Variants in PYGM observed in about 807,000 individuals in gnomAD.
PYGM encodes the protein glycogen phosphorylase, muscle associated, also known as glycogen phosphorylase, muscle form.
PYGM carries 81 observed loss-of-function variants against 99.3 expected under a neutral mutation model. The observed-to-expected ratio is 0.82, with a 90% CI of 0.68 to 0.98. The LOEUF (loss-of-function observed/expected upper bound fraction) is 0.98. PYGM is among the 50% of genes least tolerant of loss of function. PYGM has a pLI of 0.00. For synonymous variants in PYGM, 436 were observed against 451.5 expected (o/e 0.97, Z 0.44); for missense variants, 1,030 against 1,158.1 (o/e 0.89, Z 1.61).
At chr11:64,760,444 G>C (rs1341611483), upstream of PYGM, 2 of 169,872 alleles carry the variant, frequency 1.2e-5, no homozygotes, top group Admixed American at 5.5e-5. Context: ...GCATTGCAGG[G>C]GTGGTGTGAG....
Position 64,755,443 on chromosome 11 carries a change from TCA to T in PYGM, c.772+2_772+3del. 2 of 1,613,836 alleles carry T rather than the reference TCA, an allele frequency of 1.2e-6. No individual in the cohort carries two copies. The highest frequency in any genetic ancestry group is 8.5e-7 in the Non-Finnish European group (1 of 1,179,730). On this transcript the variant is annotated splice_donor_variant and splice_donor_region_variant and intron_variant, in intron 6 of 19. Transcript: ENST00000164139. LOFTEE classifies it high-confidence loss of function. This position sits in a 1 kb window ranked among gnomAD's most constrained non-coding sequence, Gnocchi z 4.1. ...GGTTGCTGGCTACCAGTGGATGAAC[TCA>T]CAGTCCTTGAGGTTGAAGTCATTGG...
At chr11:64,752,581 T>C (rs1307626855) in intron 12 of PYGM, 77 bp from the exon 13 acceptor site, 2 of 1,425,948 alleles carry the variant, frequency 1.4e-6, no homozygotes, top group East Asian at 2.4e-5. Context: ...CATTTCCAGG[T>C]CAGCCAAGCC....
chr11:64,760,300 G>A (rs1051145165), upstream of PYGM: 2 of 237,948 alleles, frequency 8.4e-6, no homozygotes, highest in Admixed American at 4.9e-5. Flanking sequence ...CAGGATGGGA[G>A]GCCATGTGTT....
At position 64,751,965 on chromosome 11, in the gene PYGM, C is replaced by T. The variant is rs759218298; in HGVS notation, c.1727G>A (p.Arg576Gln). ...GACATGGAGGCAGTTGAGGAGCTGT[C>T]GTTTATATTCGTGAATCCGCTTCAC... ...IQVKRIHEYK[R>Q]QLLNCLHVIT... is the part of the protein sequence containing the mutation. Residue 576 changes from arginine to glutamine, a missense_variant, in exon 14 of 20, where the codon CGA (arginine) becomes CAA (glutamine). Arg to Gln is a conservative substitution (Grantham distance 43). Transcript: ENST00000164139. 18 of 1,614,008 alleles carry T rather than the reference C, an allele frequency of 1.1e-5. No individual in the cohort carries two copies. The highest frequency in any genetic ancestry group is 1.4e-5 in the Non-Finnish European group (16 of 1,180,038).
At chr11:64,752,941 G>T in intron 12 of PYGM, 132 bp downstream of exon 12, 1 of 899,540 alleles carries the variant, frequency 1.1e-6, no homozygotes. Flanking sequence ...GCGAGGCTTG[G>T]GGAACACAGT....
At position 64,754,948 on chromosome 11, in the gene PYGM, C is replaced by A; in HGVS notation, c.856-112G>T. On this transcript the variant is annotated intron_variant, in intron 7 of 19. Transcript: ENST00000164139. This position sits in a 1 kb window ranked among gnomAD's most constrained non-coding sequence, Gnocchi z 5.5. The stretch of plus-strand genomic sequence containing the variant: ...CATACCGGGACCCCTGAGCCCTGAG[C>A]CGGCCCCCTCTCTGGGACCCAGGGG... 6.9e-7 allele frequency: 1 copy of A among 1,448,536 alleles called. No individual in the cohort carries two copies. The allele number at this position is 1,448,536 out of a possible 1,614,324, so 89.7% of individuals were successfully genotyped here.
At chr11:64,753,747 A>G (rs1321473784) in intron 10 of PYGM, 65 bp from the exon 11 acceptor site, 2 of 1,153,252 alleles carry the variant, frequency 1.7e-6, no homozygotes, top group Non-Finnish European at 2.3e-6. Context: ...CCCCAGCCCC[A>G]CACCCCCAGA....
intron 11 of PYGM, 98 bp from the exon 12 acceptor site, chr11:64,753,285 G>A: frequency 1.5e-6 from 2 of 1,298,934 alleles, no homozygotes; most frequent in Non-Finnish European, 1.1e-6. Flanking sequence ...AAAGGGGCCT[G>A]GGGCAGGGAA....
intron 11 of PYGM, 79 bp downstream of exon 11, chr11:64,753,440 A>AC (rs1447195827): frequency 1.3e-6 from 2 of 1,496,112 alleles, no homozygotes; most frequent in African/African-American, 2.8e-5. Flanking sequence ...GTGGTCGGTG[A>AC]AGGGCGGGGC....
Position 64,754,067 on chromosome 11 carries a change from A to G in PYGM, c.1093-42T>C. ...GCAGTCAGGATGCTGACCTCAGCCCAGTGGGTCTCCTCACACACTACGCAT... is the reference window on the plus strand; with the variant it reads ...GCAGTCAGGATGCTGACCTCAGCCCGGTGGGTCTCCTCACACACTACGCAT... On this transcript the variant is annotated intron_variant, in intron 9 of 19. Coordinates refer to ENST00000164139, the MANE Select transcript of PYGM (RefSeq NM_005609.4). This position sits in a 1 kb window ranked among gnomAD's most constrained non-coding sequence, Gnocchi z 5.5. 6.3e-7 allele frequency: 1 copy of G among 1,597,340 alleles called. No individual in the cohort carries two copies. Among genetic ancestry groups the G allele is most frequent in the Non-Finnish European group, 8.5e-7 (1 of 1,172,096 alleles).
At position 64,753,575 on chromosome 11, in the gene PYGM, C is replaced by A. The variant is rs141152121; in HGVS notation, c.1347G>T (p.Gly449=). 19 of 1,605,068 alleles carry A rather than the reference C, an allele frequency of 1.2e-5. No individual in the cohort carries two copies. The African/African-American group carries it at 2.0e-4, about 17-fold the overall frequency. Residue 449 remains glycine (G), a synonymous_variant, in exon 11 of 20, where the codon GGG becomes GGT. Coordinates refer to ENST00000164139, the MANE Select transcript of PYGM (RefSeq NM_005609.4). The part of the protein sequence containing the change: ...RINMAHLCIA[G]SHAVNGVARI... ...GCGCCACGCCGTTGACGGCGTGCGA[C>A]CCCGCGATGCACAGGTGTGCCATGT...
chr11:64,751,903 G>A, intron 14 of PYGM, 21 bp downstream of exon 14: 1 of 1,614,012 alleles, frequency 6.2e-7, no homozygotes, highest in African/African-American at 1.3e-5. Flanking sequence ...TGAGAGACAG[G>A]GTAGAGTGGC....
chr11:64,752,336 C>A (rs1329920065), intron 13 of PYGM, 67 bp downstream of exon 13: 144 of 1,562,432 alleles, frequency 9.2e-5, no homozygotes, highest in Non-Finnish European at 1.2e-4. Flanking sequence ...CCACGCCTGA[C>A]CCAGACATCT....
rs1355010818 is a variant in PYGM at position 64,754,118 on chromosome 11, C to T, written c.1093-93G>A. ...CCCAGTGGGCCCCCCCACTGCAGTG[C>T]CAGGTTCCAGGACGGTCCCTCTGGC... On this transcript the variant is annotated intron_variant, in intron 9 of 19. Transcript: ENST00000164139. This position sits in a 1 kb window ranked among gnomAD's most constrained non-coding sequence, Gnocchi z 5.5. 2 of 1,599,564 alleles carry T rather than the reference C, an allele frequency of 1.3e-6. No individual in the cohort carries two copies. Among genetic ancestry groups the T allele is most frequent in the Non-Finnish European group, 1.7e-6 (2 of 1,168,486 alleles).
chr11:64,758,356 G>C lies in PYGM; in HGVS notation c.425-7C>G. ...ATGGAGTCAAGAAAGCAGGCTGGGG[G>C]TGTGCAGGGAGGTGGCTGTCAGGGA... On this transcript the variant is annotated splice_polypyrimidine_tract_variant and splice_region_variant and intron_variant, in intron 3 of 19. Coordinates refer to ENST00000164139, the MANE Select transcript of PYGM (RefSeq NM_005609.4). 6.2e-7 allele frequency: 1 copy of C among 1,613,428 alleles called. No individual in the cohort carries two copies. Among genetic ancestry groups the C allele is most frequent in the Non-Finnish European group, 8.5e-7 (1 of 1,179,708 alleles).
At position 64,759,838 on chromosome 11, in the gene PYGM, C is replaced by T. The variant is rs145881639; in HGVS notation, c.61G>A (p.Gly21Ser). ...TTCAGCTCAGTCACGTTCTCCACGC[C>T]GGCCAGGCCACGCACACTGATTTGC... The part of the protein sequence containing the change: ...RKQISVRGLA[G>S]VENVTELKKN... The change falls in exon 1 of 20, where the codon GGC becomes AGC. Residue 21 changes from glycine to serine, a missense_variant. Physicochemically the swap from Gly to Ser is moderately conservative, Grantham distance 56. Transcript: ENST00000164139. 1,083 of 1,614,230 alleles carry T rather than the reference C, an allele frequency of 6.7e-4. No individual in the cohort carries two copies. The highest frequency in any genetic ancestry group is 1.2e-3 in the Middle Eastern group (7 of 6,062).
chr11:64,758,821 G>A, intron 1 of PYGM, 117 bp from the exon 2 acceptor site: 9 of 906,696 alleles, frequency 9.9e-6, no homozygotes, highest in Non-Finnish European at 1.6e-5. Flanking sequence ...TCCCATCCCT[G>A]TCCCCAATTT....
At chr11:64,750,960 C>G (rs558981977) in intron 16 of PYGM, among the ~76,000 whole-genome samples, 69 of 152,304 alleles carry the variant, frequency 4.5e-4, no homozygotes, top group African/African-American at 1.6e-3. Context: ...GGCGTGATCT[C>G]GGCTCACTGC....
chr11:64,747,081 A>G, intron 18 of PYGM, 94 bp from the exon 19 acceptor site: 1 of 1,571,538 alleles, frequency 6.4e-7, no homozygotes, highest in East Asian at 2.2e-5. Context: ...CCCAGTGGAC[A>G]GCCGGGGACC....
Sources: gnomAD v4.1 joint callset for allele counts (sites outside exome capture counted in the v4.1 genomes callset) on GRCh38, gnomAD v4.1.1 for gene constraint, Gnocchi (gnomAD v3.1) non-coding constraint, MANE v1.5 for transcripts, NCBI Gene and HGNC (gene_info 2026-07-23, HGNC 2026-07-21) for gene names.